Variants in KCNQ1 observed in about 807,000 individuals in gnomAD.
KCNQ1 encodes the protein potassium voltage-gated channel subfamily KQT member 1.
KCNQ1 carries 49 observed loss-of-function variants against 72.4 expected under a neutral mutation model. The observed-to-expected ratio is 0.68, with a 90% CI of 0.54 to 0.86. The LOEUF is 0.86. Among genes scored for constraint, KCNQ1 ranks in the 40% least tolerant of loss-of-function variants. The probability of loss-of-function intolerance (pLI) is 0.00; values close to 1 mark genes in which losing one functional copy is unlikely to be tolerated. For synonymous variants in KCNQ1, 450 were observed against 412.6 expected (o/e 1.09, Z -1.10); for missense variants, 790 against 945.1 (o/e 0.84, Z 2.15).
At position 2,695,328 on chromosome 11, in the gene KCNQ1, T is replaced by TTG. The variant is rs61588088; in HGVS notation, c.1514+33262_1514+33263dup. The TTG allele has an allele frequency of 0.13, 50,879 of 393,172 alleles. 2,348 individuals are homozygous for TTG. The highest frequency in any genetic ancestry group is 0.21 in the African/African-American group (9,991 of 48,262). The allele number at this position is 393,172 out of a possible 1,614,324, so 24.4% of individuals were successfully genotyped here. Reference sequence around the variant, plus strand: ...TCTCCAGGGTAATTTATTTATATCATTGTGTGTGTGTGTGTGCACTCACGA... The same window carrying TTG: ...TCTCCAGGGTAATTTATTTATATCATTGTGTGTGTGTGTGTGTGCACTCACGA... On this transcript the variant is annotated intron_variant, in intron 11 of 15. Transcript: ENST00000155840. The surrounding 1 kb of genome is among the most constrained non-coding windows in gnomAD (Gnocchi z 5.2).
At chr11:2,640,067 T>TC (rs1204086488) in intron 10 of KCNQ1, 1 of 210,332 alleles carries the variant, frequency 4.8e-6, no homozygotes, top group Non-Finnish European at 9.4e-6. Flanking sequence ...AGCACAGTAT[T>TC]AGGGTGGGAG....
intron 2 of KCNQ1, among the ~76,000 whole-genome samples, chr11:2,531,988 A>G (rs1847642032): frequency 6.6e-6 from 1 of 152,052 alleles, no homozygotes; most frequent in African/African-American, 2.4e-5. Flanking sequence ...GCCTGGGCTC[A>G]CTCACTCCAG....
Position 2,772,552 on chromosome 11 carries a change from G to C in KCNQ1, c.1591-3408G>C, listed in dbSNP as rs750533296. On this transcript the variant is annotated intron_variant, in intron 12 of 15. Coordinates refer to ENST00000155840, the MANE Select transcript of KCNQ1 (RefSeq NM_000218.3). The surrounding 1 kb of genome is among the most constrained non-coding windows in gnomAD (Gnocchi z 6.6). Reference sequence around the variant, plus strand: ...CTCAGTGGCTCCAGGATAAGTCTCTGTGGGCTGGGATGCCACCGGGCCGTG... The same window carrying C: ...CTCAGTGGCTCCAGGATAAGTCTCTCTGGGCTGGGATGCCACCGGGCCGTG... Among the ~76,000 whole-genome samples the C allele has an allele frequency of 2.0e-5, 3 of 152,154 alleles. No homozygotes were observed. The highest frequency in any genetic ancestry group is 4.4e-5 in the Non-Finnish European group (3 of 68,014).
At chr11:2,802,725 T>C (rs917089789) in intron 15 of KCNQ1, among the ~76,000 whole-genome samples, 3 of 151,922 alleles carry the variant, frequency 2.0e-5, no homozygotes, top group African/African-American at 7.3e-5. Flanking sequence ...GAAGGAGGCG[T>C]TTGCAGGGCG....
chr11:2,644,290 T>A (rs1849630749), intron 10 of KCNQ1: 1 of 398,368 alleles, frequency 2.5e-6, no homozygotes, highest in Non-Finnish European at 4.4e-6. Flanking sequence ...TTTTCTATAT[T>A]TTTGTCTGAG....
Position 2,734,493 on chromosome 11 carries a change from T to A in KCNQ1, c.1515-34351T>A, listed in dbSNP as rs1475940983. On this transcript the variant is annotated intron_variant, in intron 11 of 15. Coordinates refer to ENST00000155840, the MANE Select transcript of KCNQ1 (RefSeq NM_000218.3). This position sits in a 1 kb window ranked among gnomAD's most constrained non-coding sequence, Gnocchi z 7.0. ...ACGGGATCCTTGGTGATGGGCAGAATGTGGGGAGCAGGGTAGGACGGGCCC... is the reference window on the plus strand; with the variant it reads ...ACGGGATCCTTGGTGATGGGCAGAAAGTGGGGAGCAGGGTAGGACGGGCCC... 1.3e-5 allele frequency among the ~76,000 whole-genome samples: 2 copies of A among 152,040 alleles called. No individual in the cohort carries two copies. Among genetic ancestry groups the A allele is most frequent in the Non-Finnish European group, 2.9e-5 (2 of 67,992 alleles).
In KCNQ1 at chr11:2,735,683, C is replaced by T. The variant is rs191726274; in HGVS notation, c.1515-33161C>T. 1.5e-3 allele frequency among the ~76,000 whole-genome samples: 228 copies of T among 152,184 alleles called. No individual in the cohort carries two copies. Among genetic ancestry groups the T allele is most frequent in the Admixed American group, 3.7e-3 (56 of 15,296 alleles). On this transcript the variant is annotated intron_variant, in intron 11 of 15. Coordinates refer to ENST00000155840, the MANE Select transcript of KCNQ1 (RefSeq NM_000218.3). The surrounding 1 kb of genome is among the most constrained non-coding windows in gnomAD (Gnocchi z 7.7). ...AGTTTAAACAGCAGGCATTCATCCC[C>T]TCACAGCCCTGGAGGCTGGAGTCCA...
intron 6 of KCNQ1, among the ~76,000 whole-genome samples, chr11:2,582,230 C>T (rs773739575): frequency 6.6e-6 from 1 of 152,218 alleles, no homozygotes; most frequent in Non-Finnish European, 1.5e-5. Flanking sequence ...CCTCTCTGTC[C>T]GCGTGTGCGC....
chr11:2,763,402 GAA>G (rs60011808), intron 11 of KCNQ1, among the ~76,000 whole-genome samples: 2 of 141,240 alleles, frequency 1.4e-5, no homozygotes, highest in African/African-American at 5.2e-5. Flanking sequence ...CATCTTAGAA[GAA>G]AAAAAAAAAA....
rs1048964583 is a variant in KCNQ1, at chr11:2,486,502, G to T, written c.386+41018G>T. Among the ~76,000 whole-genome samples the T allele has an allele frequency of 6.6e-6, 1 of 152,144 alleles. No individual in the cohort carries two copies. Among genetic ancestry groups the T allele is most frequent in the East Asian group, 1.9e-4 (1 of 5,200 alleles). ...TACAAAAATTTTTAATGTTCACGAA[G>T]TCCAAGTTGTCTACTTTTTGTTTTG... On this transcript the variant is annotated intron_variant, in intron 1 of 15. Transcript: ENST00000155840. The surrounding 1 kb of genome is among the most constrained non-coding windows in gnomAD (Gnocchi z 5.0).
intron 13 of KCNQ1, among the ~76,000 whole-genome samples, 179 bp downstream of exon 13, chr11:2,776,233 C>T (rs750079529): frequency 1.3e-5 from 2 of 152,166 alleles, no homozygotes; most frequent in African/African-American, 2.4e-5. Flanking sequence ...GCCACGGCCA[C>T]GGTTCACAGC....
chr11:2,645,203 G>A lies in KCNQ1; in HGVS notation c.1394-16758G>A. 1 of 398,682 alleles carries A rather than the reference G, an allele frequency of 2.5e-6. No homozygotes were observed. Among genetic ancestry groups the A allele is most frequent in the Non-Finnish European group, 4.4e-6 (1 of 226,134 alleles). The allele number at this position is 398,682 out of a possible 1,614,324, so 24.7% of individuals were successfully genotyped here. ...GGGATGGCTGGGATAAGCTGGATGA[G>A]CTTGTCCCAAGGCCCACAGGTGGCA... On this transcript the variant is annotated intron_variant, in intron 10 of 15. Coordinates refer to ENST00000155840, the MANE Select transcript of KCNQ1 (RefSeq NM_000218.3). The surrounding 1 kb of genome is among the most constrained non-coding windows in gnomAD (Gnocchi z 5.8).
At chr11:2,799,823 C>T (rs879731309) in intron 15 of KCNQ1, among the ~76,000 whole-genome samples, 6 of 152,258 alleles carry the variant, frequency 3.9e-5, no homozygotes, top group South Asian at 4.1e-4. Context: ...GGAAATGAGT[C>T]GGCAGGCTGC....
intron 10 of KCNQ1, among the ~76,000 whole-genome samples, chr11:2,606,678 T>C (rs562264990): frequency 2.0e-5 from 3 of 152,258 alleles, no homozygotes; most frequent in African/African-American, 7.2e-5. Flanking sequence ...TGTTCCTTTA[T>C]AGTAACACAA....
chr11:2,811,791 C>A (rs1847490736), intron 15 of KCNQ1, among the ~76,000 whole-genome samples: 1 of 152,192 alleles, frequency 6.6e-6, no homozygotes, highest in African/African-American at 2.4e-5. Context: ...TGGGTGGAGA[C>A]CACCAAAGAG....
At position 2,566,108 on chromosome 11, in the gene KCNQ1, G is replaced by T. The variant is rs1848243435; in HGVS notation, c.478-4520G>T. Among the ~76,000 whole-genome samples the T allele has an allele frequency of 6.6e-6, 1 of 152,142 alleles. No homozygotes were observed. The highest frequency in any genetic ancestry group is 2.1e-4 in the South Asian group (1 of 4,830). Reference sequence around the variant, plus strand: ...GGGCTGAGACACCTCCCTGTCCCCTGGCAGGGCTGGAGGCTCTGGAGTCTC... The same window carrying T: ...GGGCTGAGACACCTCCCTGTCCCCTTGCAGGGCTGGAGGCTCTGGAGTCTC... On this transcript the variant is annotated intron_variant, in intron 2 of 15. Transcript: ENST00000155840. The surrounding 1 kb of genome is among the most constrained non-coding windows in gnomAD (Gnocchi z 6.7).
In KCNQ1 at chr11:2,507,801, A is replaced by G. The variant is rs3819512; in HGVS notation, c.387-20127A>G. Among the ~76,000 whole-genome samples the G allele has an allele frequency of 0.81, 122,753 of 151,794 alleles. 49,773 individuals are homozygous for G. The highest frequency in any genetic ancestry group is 0.87 in the African/African-American group (35,999 of 41,398). Reference sequence around the variant, plus strand: ...CTGGGTGGGTGGAAGGGCAGAGGGCAAGGGCCAAGTGATGGCAGCTGTGGA... The same window carrying G: ...CTGGGTGGGTGGAAGGGCAGAGGGCGAGGGCCAAGTGATGGCAGCTGTGGA... On this transcript the variant is annotated intron_variant, in intron 1 of 15. Coordinates refer to ENST00000155840, the MANE Select transcript of KCNQ1 (RefSeq NM_000218.3). The surrounding 1 kb of genome is among the most constrained non-coding windows in gnomAD (Gnocchi z 5.4).
intron 11 of KCNQ1, among the ~76,000 whole-genome samples, chr11:2,701,055 G>A (rs762959932): frequency 1.3e-5 from 2 of 152,178 alleles, no homozygotes; most frequent in African/African-American, 2.4e-5. Context: ...CCAACCCAGG[G>A]TTGACCTCAA....
Position 2,599,090 on chromosome 11 carries a change from A to T in KCNQ1, c.1393+10236A>T, listed in dbSNP as rs554615890. 6.6e-6 allele frequency among the ~76,000 whole-genome samples: 1 copy of T among 152,352 alleles called. No individual in the cohort carries two copies. Among genetic ancestry groups the T allele is most frequent in the South Asian group, 2.1e-4 (1 of 4,828 alleles). On this transcript the variant is annotated intron_variant, in intron 10 of 15. Coordinates refer to ENST00000155840, the MANE Select transcript of KCNQ1 (RefSeq NM_000218.3). The surrounding 1 kb of genome is among the most constrained non-coding windows in gnomAD (Gnocchi z 4.7). ...GAATGGAATAGATGTGTTTCAGTAC[A>T]GAACTTTTTTCTTATGTTTGCTTGG...
Sources: allele counts gnomAD v4.1 joint callset (sites outside exome capture counted in the v4.1 genomes callset), GRCh38; gene constraint gnomAD v4.1.1; non-coding constraint Gnocchi (gnomAD v3.1); transcripts MANE v1.5; gene names NCBI Gene and HGNC (gene_info 2026-07-23, HGNC 2026-07-21).